SPON1: variants seen among roughly 807,000 people sequenced by gnomAD.
The protein encoded by SPON1 is spondin 1, also known as spondin-1.
In SPON1, 52 loss-of-function variants were observed where a neutral mutation model predicts 111.7. That is an observed-to-expected ratio of 0.47 (90% CI 0.37 to 0.59). The LOEUF (loss-of-function observed/expected upper bound fraction) is 0.59. SPON1 is among the 20% of genes least tolerant of loss of function. The probability of loss-of-function intolerance (pLI) is 0.00; values close to 1 mark genes in which losing one functional copy is unlikely to be tolerated. For missense variants in SPON1, 957 were observed against 1,068.5 expected (o/e 0.90, Z 1.46); for synonymous variants, 410 against 395.8 (o/e 1.04, Z -0.43).
intron 7 of SPON1, among the ~76,000 whole-genome samples, chr11:14,249,572 G>T (rs933930471): frequency 1.3e-5 from 2 of 152,182 alleles, no homozygotes; most frequent in Admixed American, 1.3e-4. Flanking sequence ...TGAAAATTCA[G>T]ATTATTGAAA....
intron 7 of SPON1, among the ~76,000 whole-genome samples, chr11:14,249,495 C>G (rs1328772754): frequency 6.6e-6 from 1 of 152,226 alleles, no homozygotes; most frequent in Admixed American, 6.5e-5. Flanking sequence ...ACACACACCC[C>G]TGCAGAACTT....
At chr11:14,238,536 C>T (rs868947029) in intron 6 of SPON1, among the ~76,000 whole-genome samples, 8 of 152,088 alleles carry the variant, frequency 5.3e-5, no homozygotes, top group Non-Finnish European at 8.8e-5. Flanking sequence ...ACACCAGCCC[C>T]GACCCTAGAC....
chr11:14,247,869 G>A (rs1323912861), intron 7 of SPON1, among the ~76,000 whole-genome samples: 1 of 152,214 alleles, frequency 6.6e-6, no homozygotes, highest in Non-Finnish European at 1.5e-5. Context: ...GATAGCTCTG[G>A]AACTCAGGGC....
intron 5 of SPON1, among the ~76,000 whole-genome samples, chr11:14,085,248 G>A (rs1265809341): frequency 6.6e-6 from 1 of 152,160 alleles, no homozygotes; most frequent in Non-Finnish European, 1.5e-5. Context: ...ATATTGCCTA[G>A]ATTTTCTTCT....
rs187929478 is a variant in SPON1 at position 14,016,558 on chromosome 11, A to G, written c.346-24963A>G. On this transcript the variant is annotated intron_variant, in intron 2 of 15. Transcript: ENST00000576479. Reference sequence around the variant, plus strand: ...TACTATTCGTTTATTGCAATTGGGTACTTTAAAACAAGTTCTCAGAGTAAG... The same window carrying G: ...TACTATTCGTTTATTGCAATTGGGTGCTTTAAAACAAGTTCTCAGAGTAAG... 4.9e-4 allele frequency among the ~76,000 whole-genome samples: 75 copies of G among 152,310 alleles called. 1 individual carries two copies. The highest frequency in any genetic ancestry group is 3.1e-3 in the Admixed American group (47 of 15,302).
intron 6 of SPON1, among the ~76,000 whole-genome samples, chr11:14,141,867 G>T (rs11023104): frequency 0.4 from 60,132 of 151,526 alleles, 12,136 homozygotes; most frequent in East Asian, 0.54. Context: ...TGCCTCATCC[G>T]GTTTGGAAAA....
At position 14,068,672 on chromosome 11, in the gene SPON1, C is replaced by T. The variant is rs549065389; in HGVS notation, c.480-6673C>T. On this transcript the variant is annotated intron_variant, in intron 3 of 15. Transcript: ENST00000576479. ...AGGACTCCAAGTCCAACTCCTGTGC[C>T]ATTTTTCCAAGAAGTTACACCTGGT... Among the ~76,000 whole-genome samples the T allele has an allele frequency of 2.0e-5, 3 of 152,318 alleles. No homozygotes were observed. In the South Asian group the frequency reaches 6.2e-4, roughly 32 times the overall value.
At chr11:14,203,170 G>A (rs980135569) in intron 6 of SPON1, among the ~76,000 whole-genome samples, 2 of 152,164 alleles carry the variant, frequency 1.3e-5, no homozygotes, top group African/African-American at 4.8e-5. Context: ...AAGCAACGGA[G>A]CAGACCAAAA....
intron 6 of SPON1, among the ~76,000 whole-genome samples, chr11:14,173,154 T>C (rs890664312): frequency 6.6e-6 from 1 of 152,002 alleles, no homozygotes; most frequent in Non-Finnish European, 1.5e-5. Flanking sequence ...TTTGGTCTTT[T>C]CACACAGTCC....
intron 3 of SPON1, among the ~76,000 whole-genome samples, chr11:14,073,306 G>A (rs1367432780): frequency 2.0e-5 from 3 of 152,142 alleles, no homozygotes; most frequent in Non-Finnish European, 4.4e-5. Flanking sequence ...TTTATGTGCT[G>A]CCAATAAATG....
At chr11:14,146,900 G>GA (rs34375668) in intron 6 of SPON1, among the ~76,000 whole-genome samples, 57,041 of 150,610 alleles carry the variant, frequency 0.38, 11,184 homozygotes, top group East Asian at 0.55. Flanking sequence ...AAGCCATCTG[G>GA]AAAAAATATT....
chr11:14,260,389 AAG>A lies in SPON1; in HGVS notation c.1832-194_1832-193del, dbSNP rs1205272977. Among the ~76,000 whole-genome samples, 16 of 152,258 alleles carry A rather than the reference AAG, an allele frequency of 1.1e-4. No homozygotes were observed. The East Asian group carries it at 1.2e-3, about 11-fold the overall frequency. The stretch of plus-strand genomic sequence containing the variant: ...TCGGGGGGGGTCAGCAGGGAGATGA[AAG>A]AGAGTGAAAAGAAGAGCAGTAGGCT... On this transcript the variant is annotated intron_variant, in intron 13 of 15. Transcript: ENST00000576479.
At chr11:13,994,257 T>A (rs1848253650) in intron 2 of SPON1, among the ~76,000 whole-genome samples, 1 of 152,226 alleles carries the variant, frequency 6.6e-6, no homozygotes, top group Non-Finnish European at 1.5e-5. Flanking sequence ...TTATAAGATG[T>A]TAGGATTTTT....
chr11:14,144,918 C>T (rs1258915627), intron 6 of SPON1, among the ~76,000 whole-genome samples: 1 of 152,016 alleles, frequency 6.6e-6, no homozygotes, highest in Non-Finnish European at 1.5e-5. Flanking sequence ...GGGTGCCCAA[C>T]CTTATTTGGG....
At chr11:14,234,055 G>A (rs904940230) in intron 6 of SPON1, among the ~76,000 whole-genome samples, 13 of 152,090 alleles carry the variant, frequency 8.5e-5, no homozygotes, top group Non-Finnish European at 1.2e-4. Context: ...CAAAGCACCC[G>A]ACCCCCAGTG....
At chr11:14,041,738 G>A in intron 3 of SPON1, 84 bp downstream of exon 3, 1 of 1,499,146 alleles carries the variant, frequency 6.7e-7, no homozygotes, top group Non-Finnish European at 9.0e-7. Flanking sequence ...GTTCTTTACT[G>A]AGCATCAGAA....
chr11:14,065,583 G>A (rs1361382480), intron 3 of SPON1, among the ~76,000 whole-genome samples: 5 of 152,146 alleles, frequency 3.3e-5, no homozygotes, highest in Admixed American at 6.5e-5. Context: ...TGAAGTCTTG[G>A]GTGCTTGGAA....
intron 6 of SPON1, among the ~76,000 whole-genome samples, chr11:14,237,566 G>A (rs1364894266): frequency 1.3e-5 from 2 of 152,262 alleles, no homozygotes; most frequent in Non-Finnish European, 2.9e-5. Flanking sequence ...CTCATCTGCA[G>A]TGGACAGCGT....
intron 6 of SPON1, among the ~76,000 whole-genome samples, chr11:14,145,484 ATTACC>A (rs1185904950): frequency 3.3e-5 from 5 of 152,230 alleles, no homozygotes; most frequent in African/African-American, 1.2e-4. Context: ...TCATTAATAT[ATTACC>A]TTAAGATTTA....
Sources: allele counts gnomAD v4.1 joint callset (sites outside exome capture counted in the v4.1 genomes callset), GRCh38; gene constraint gnomAD v4.1.1; transcripts MANE v1.5; gene names NCBI Gene and HGNC (gene_info 2026-07-23, HGNC 2026-07-21).